The following UGGT2 variants were observed in gnomAD, a reference collection of about 807,000 sequenced individuals.
The protein encoded by UGGT2 is UDP-glucose:glycoprotein glucosyltransferase 2.
Under a neutral mutation model 192.1 loss-of-function variants are expected in UGGT2, and 180 were observed. The observed-to-expected ratio is 0.94, with a 90% CI of 0.83 to 1.06. UGGT2 has a LOEUF of 1.06. Ranked by LOEUF, UGGT2 falls within the 50% of genes least tolerant of loss-of-function variation. The pLI is 0.00. For missense variants in UGGT2, 1,849 were observed against 1,795.7 expected (o/e 1.03, Z -0.54); for synonymous variants, 580 against 591.0 (o/e 0.98, Z 0.27).
intron 38 of UGGT2, among the ~76,000 whole-genome samples, chr13:95,831,308 T>C (rs1594097022): frequency 1.3e-5 from 2 of 152,056 alleles, no homozygotes; most frequent in Non-Finnish European, 2.9e-5. Context: ...TTGTAAAACT[T>C]CTCTCCCTTA....
chr13:95,960,619 A>G (rs1012817972), intron 12 of UGGT2, among the ~76,000 whole-genome samples: 2 of 152,206 alleles, frequency 1.3e-5, no homozygotes, highest in Admixed American at 6.5e-5. Flanking sequence ...GTATTAGAAA[A>G]CCTATTTAAT....
At chr13:95,911,786 AAG>A (rs1443411953) in intron 20 of UGGT2, among the ~76,000 whole-genome samples, 1 of 152,204 alleles carries the variant, frequency 6.6e-6, no homozygotes, top group Non-Finnish European at 1.5e-5. Context: ...CAACAAAAAA[AAG>A]AGAATTTTAG....
chr13:95,856,425 A>C, intron 33 of UGGT2, 85 bp from the exon 34 acceptor site: 2 of 1,427,510 alleles, frequency 1.4e-6, no homozygotes, highest in African/African-American at 2.9e-5. Context: ...AAAAAGGTAA[A>C]GCTTCCTATA....
At chr13:95,936,041 T>C (rs373945278) in intron 17 of UGGT2, among the ~76,000 whole-genome samples, 31 of 152,138 alleles carry the variant, frequency 2.0e-4, no homozygotes, top group African/African-American at 7.5e-4. Flanking sequence ...TTGCCCAGGC[T>C]GGTCTCAAAC....
At chr13:95,912,951 G>A (rs1005886882) in intron 20 of UGGT2, among the ~76,000 whole-genome samples, 1 of 152,274 alleles carries the variant, frequency 6.6e-6, no homozygotes. Flanking sequence ...ACAACCATCT[G>A]ATCTTTGACA....
chr13:95,980,087 G>C (rs1355852705), intron 10 of UGGT2, among the ~76,000 whole-genome samples: 1 of 152,168 alleles, frequency 6.6e-6, no homozygotes, highest in Non-Finnish European at 1.5e-5. Flanking sequence ...ACAATGTGGA[G>C]ATTCGTAAAA....
intron 12 of UGGT2, among the ~76,000 whole-genome samples, chr13:95,962,249 T>C (rs935064542): frequency 2.0e-5 from 3 of 152,002 alleles, no homozygotes; most frequent in Non-Finnish European, 4.4e-5. Context: ...ATGAAATTGA[T>C]ACTAAAGAAA....
At chr13:95,972,498 T>C (rs1466427135) in intron 11 of UGGT2, 82 bp downstream of exon 11, 4 of 1,207,010 alleles carry the variant, frequency 3.3e-6, no homozygotes, top group South Asian at 1.4e-5. Flanking sequence ...GTGATCTTCA[T>C]ATTTTGACTT....
At chr13:95,999,156 T>C in intron 6 of UGGT2, 55 bp downstream of exon 6, 1 of 1,448,898 alleles carries the variant, frequency 6.9e-7, no homozygotes, top group South Asian at 1.2e-5. Context: ...AAAACTAAAG[T>C]ATGTAAAAGC....
chr13:95,942,647 G>GTA (rs1296815106), intron 15 of UGGT2, among the ~76,000 whole-genome samples: 1 of 151,876 alleles, frequency 6.6e-6, no homozygotes, highest in Non-Finnish European at 1.5e-5. Flanking sequence ...TGGGTCATTG[G>GTA]TATTTTTCTT....
intron 20 of UGGT2, among the ~76,000 whole-genome samples, chr13:95,914,315 A>T (rs1156272971): frequency 6.6e-6 from 1 of 152,110 alleles, no homozygotes; most frequent in Non-Finnish European, 1.5e-5. Flanking sequence ...ACTACTGTAA[A>T]GTTTCTTAAA....
intron 29 of UGGT2, among the ~76,000 whole-genome samples, chr13:95,868,154 T>C (rs1405057990): frequency 1.3e-5 from 2 of 152,234 alleles, no homozygotes; most frequent in African/African-American, 4.8e-5. Flanking sequence ...ATATAATACA[T>C]ACTTTTAACA....
chr13:95,891,887 G>A lies in UGGT2; in HGVS notation c.2856-923C>T, dbSNP rs531559866. Among the ~76,000 whole-genome samples, 14 of 152,186 alleles carry A rather than the reference G, an allele frequency of 9.2e-5. 1 individual carries two copies. The highest frequency in any genetic ancestry group is 4.4e-5 in the Non-Finnish European group (3 of 67,976). On this transcript the variant is annotated intron_variant, in intron 24 of 38. Transcript: ENST00000376747. ...ATATAAACACTTACTTCAAATATGG[G>A]TCATCTAAATAGAAAACTGCAAGAC...
At chr13:95,953,650 T>G (rs1003691952) in intron 12 of UGGT2, among the ~76,000 whole-genome samples, 1 of 152,212 alleles carries the variant, frequency 6.6e-6, no homozygotes, top group African/African-American at 2.4e-5. Context: ...TTCACTCTTT[T>G]CTACTCTGAA....
Position 95,877,684 on chromosome 13 carries a change from T to C in UGGT2, c.3387+14A>G. The C allele has an allele frequency of 1.2e-6, 2 of 1,601,922 alleles. No individual in the cohort carries two copies. Among genetic ancestry groups the C allele is most frequent in the Non-Finnish European group, 8.5e-7 (1 of 1,174,264 alleles). On this transcript the variant is annotated intron_variant, in intron 28 of 38. Coordinates refer to ENST00000376747, the MANE Select transcript of UGGT2 (RefSeq NM_020121.4). ...AAACATCAAATTAAACACCATCAAT[T>C]AAATAATACTTACATGATGTGCCAT...
At chr13:95,969,352 A>G (rs2050692272) in intron 12 of UGGT2, among the ~76,000 whole-genome samples, 1 of 152,230 alleles carries the variant, frequency 6.6e-6, no homozygotes, top group African/African-American at 2.4e-5. Flanking sequence ...AACCATGAAT[A>G]TAACAACTTC....
chr13:95,836,912 T>C (rs960887272), intron 37 of UGGT2, among the ~76,000 whole-genome samples, 174 bp downstream of exon 37: 1 of 152,240 alleles, frequency 6.6e-6, no homozygotes, highest in South Asian at 2.1e-4. Flanking sequence ...AGGGTGGTCT[T>C]GGGGGCCCCC....
chr13:96,030,282 G>A (rs2052794562), intron 2 of UGGT2, among the ~76,000 whole-genome samples: 1 of 152,098 alleles, frequency 6.6e-6, no homozygotes, highest in African/African-American at 2.4e-5. Flanking sequence ...CCCAATTAAA[G>A]CTCTTATCGC....
At chr13:95,896,103 G>A (rs1292881381) in intron 22 of UGGT2, among the ~76,000 whole-genome samples, 1 of 152,076 alleles carries the variant, frequency 6.6e-6, no homozygotes, top group East Asian at 1.9e-4. Flanking sequence ...ATAATCCTAT[G>A]TACAAAACAA....
Sources: gnomAD v4.1 joint callset for allele counts (sites outside exome capture counted in the v4.1 genomes callset) on GRCh38, gnomAD v4.1.1 for gene constraint, MANE v1.5 for transcripts, NCBI Gene and HGNC (gene_info 2026-07-23, HGNC 2026-07-21) for gene names.